The following RANBP2 variants were observed in gnomAD, a reference collection of about 807,000 sequenced individuals.
The protein encoded by RANBP2 is RAN binding protein 2.
RANBP2 carries 57 observed loss-of-function variants against 303.6 expected under a neutral mutation model. The ratio of observed to expected loss-of-function variants is 0.19; its 90% CI spans 0.15 to 0.23. The LOEUF (loss-of-function observed/expected upper bound fraction) is 0.23, where lower values mean the gene tolerates loss of function less well. RANBP2 is among the 10% of genes least tolerant of loss of function. The pLI, the probability that RANBP2 is intolerant of heterozygous loss-of-function variation, is 1.00. For synonymous variants in RANBP2, 1,167 were observed against 1,301.5 expected, an observed-to-expected ratio of 0.90 and a Z score of 2.23; for missense variants, 3,138 against 3,780.8, an observed-to-expected ratio of 0.83 and a Z score of 4.46.
At chr2:109,134,294 C>T in the RANBP2 span, among the ~76,000 whole-genome samples, 2 of 152,062 alleles carry the variant, frequency 1.3e-5, no homozygotes, top group South Asian at 2.1e-4. Flanking sequence ...GGGATGTTGT[C>T]GTGGTTCGGT....
the RANBP2 span, among the ~76,000 whole-genome samples, chr2:109,188,316 T>C: frequency 3.9e-5 from 6 of 152,180 alleles, no homozygotes; most frequent in African/African-American, 1.4e-4. Flanking sequence ...AAATGGAAGC[T>C]GTCTGGCCTG....
chr2:109,374,722 A>G, the RANBP2 span, among the ~76,000 whole-genome samples: 1 of 152,224 alleles, frequency 6.6e-6, no homozygotes, highest in Non-Finnish European at 1.5e-5. Context: ...GATTGCATGA[A>G]GGTCTCCTCC....
chr2:109,658,957 T>A, the RANBP2 span, among the ~76,000 whole-genome samples: 1 of 151,802 alleles, frequency 6.6e-6, no homozygotes, highest in African/African-American at 2.4e-5. Flanking sequence ...CCCAGCTGCT[T>A]GGGAGTCTGA....
At chr2:109,276,193 G>C in the RANBP2 span, among the ~76,000 whole-genome samples, 1 of 152,192 alleles carries the variant, frequency 6.6e-6, no homozygotes, top group Admixed American at 6.5e-5. Context: ...GAAAACACCA[G>C]CGTTCTCCCA....
At chr2:109,152,794 G>A in the RANBP2 span, among the ~76,000 whole-genome samples, 1 of 152,218 alleles carries the variant, frequency 6.6e-6, no homozygotes, top group East Asian at 1.9e-4. Flanking sequence ...TGGCCTGATG[G>A]TGGGGTGCCT....
chr2:109,395,431 C>T, the RANBP2 span, among the ~76,000 whole-genome samples: 2 of 152,226 alleles, frequency 1.3e-5, no homozygotes, highest in Non-Finnish European at 2.9e-5. Flanking sequence ...AGCGGTTCGC[C>T]TGCCTGGCTG....
At chr2:108,956,132 C>T in the RANBP2 span, among the ~76,000 whole-genome samples, 1 of 152,200 alleles carries the variant, frequency 6.6e-6, no homozygotes, top group African/African-American at 2.4e-5. Context: ...TTAACAACAG[C>T]CTTTTTAATG....
chr2:109,574,836 G>C, the RANBP2 span: 1 of 1,097,166 alleles, frequency 9.1e-7, no homozygotes, highest in Admixed American at 2.9e-5. Flanking sequence ...GCAACTCTTA[G>C]AAGTTTGAGG....
chr2:109,086,807 G>A, the RANBP2 span, among the ~76,000 whole-genome samples: 1 of 152,180 alleles, frequency 6.6e-6, no homozygotes, highest in Non-Finnish European at 1.5e-5. Flanking sequence ...GAGAGACCCA[G>A]GAAAGGAGTC....
chr2:109,193,285 G>T, the RANBP2 span, among the ~76,000 whole-genome samples: 1 of 152,122 alleles, frequency 6.6e-6, no homozygotes, highest in South Asian at 2.1e-4. Flanking sequence ...TTCTTTTAAG[G>T]CTTTATTGAG....
At chr2:108,860,935 CTTTTTTTT>C in the RANBP2 span, among the ~76,000 whole-genome samples, 5 of 37,916 alleles carry the variant, frequency 1.3e-4, no homozygotes, top group African/African-American at 3.2e-4. Context: ...TGGTCCAGGA[CTTTTTTTT>C]TTTTTTTTTT....
the RANBP2 span, among the ~76,000 whole-genome samples, chr2:109,094,023 C>A: frequency 6.6e-6 from 1 of 152,202 alleles, no homozygotes; most frequent in Non-Finnish European, 1.5e-5. Flanking sequence ...TCAGAAATTA[C>A]TCCGCATTAC....
At chr2:109,318,715 G>T in the RANBP2 span, among the ~76,000 whole-genome samples, 1 of 152,292 alleles carries the variant, frequency 6.6e-6, no homozygotes, top group African/African-American at 2.4e-5. Flanking sequence ...ATCCGGGGCT[G>T]CCCTGGCCAG....
At chr2:109,002,307 G>T in the RANBP2 span, among the ~76,000 whole-genome samples, 1 of 152,148 alleles carries the variant, frequency 6.6e-6, no homozygotes, top group Non-Finnish European at 1.5e-5. Context: ...CTTGTGAGCC[G>T]GGATTCCACT....
At chr2:109,301,927 A>G in the RANBP2 span, among the ~76,000 whole-genome samples, 3 of 151,860 alleles carry the variant, frequency 2.0e-5, no homozygotes, top group Non-Finnish European at 2.9e-5. Flanking sequence ...ACCGGGGTCC[A>G]TTTTCTGCCC....
At chr2:108,927,521 C>T in the RANBP2 span, among the ~76,000 whole-genome samples, 21 of 152,302 alleles carry the variant, frequency 1.4e-4, no homozygotes, top group South Asian at 1.0e-3. Context: ...CCCTGGCCTT[C>T]GGGTACTGAT....
chr2:109,467,504 G>C, the RANBP2 span, among the ~76,000 whole-genome samples: 5 of 152,198 alleles, frequency 3.3e-5, no homozygotes, highest in Non-Finnish European at 5.9e-5. Flanking sequence ...CAGCAGGACT[G>C]GGGGGCTTGG....
chr2:109,627,562 T>C, the RANBP2 span, among the ~76,000 whole-genome samples: 1 of 152,198 alleles, frequency 6.6e-6, no homozygotes, highest in Non-Finnish European at 1.5e-5. Flanking sequence ...GTATATATAA[T>C]GATGATTTTT....
chr2:109,464,320 C>A, the RANBP2 span, among the ~76,000 whole-genome samples: 161 of 152,294 alleles, frequency 1.1e-3, no homozygotes, highest in Non-Finnish European at 1.9e-3. Flanking sequence ...CATGAACTCA[C>A]GTACAATGTG....
Sources: gnomAD v4.1 joint callset for allele counts (sites outside exome capture counted in the v4.1 genomes callset) on GRCh38, gnomAD v4.1.1 for gene constraint, MANE v1.5 for transcripts, NCBI Gene and HGNC (gene_info 2026-07-23, HGNC 2026-07-21) for gene names.